The following TRHDE variants were observed in gnomAD, a reference collection of about 807,000 sequenced individuals.
TRHDE encodes thyrotropin releasing hormone degrading enzyme, also known as thyrotropin-releasing hormone-degrading ectoenzyme.
Under a neutral mutation model 125.7 loss-of-function variants are expected in TRHDE, and 72 were observed. The observed-to-expected ratio is 0.57, with a 90% CI of 0.47 to 0.70. TRHDE has a LOEUF of 0.70. Ranked by LOEUF, TRHDE falls within the 30% of genes least tolerant of loss-of-function variation. The pLI, the probability that TRHDE is intolerant of heterozygous loss-of-function variation, is 0.00. For missense variants in TRHDE, 1,110 were observed against 1,327.1 expected, an observed-to-expected ratio of 0.84 and a Z score of 2.54; for synonymous variants, 509 against 509.1, an observed-to-expected ratio of 1.00 and a Z score of 0.00.
intron 5 of TRHDE, among the ~76,000 whole-genome samples, chr12:72,492,664 C>G (rs1043592090): frequency 1.3e-5 from 2 of 151,790 alleles, no homozygotes; most frequent in African/African-American, 4.8e-5. Context: ...CTGTGCAGTG[C>G]TAATTATGTG....
At chr12:72,654,497 A>G (rs1006493442) in intron 17 of TRHDE, among the ~76,000 whole-genome samples, 1 of 152,188 alleles carries the variant, frequency 6.6e-6, no homozygotes, top group Non-Finnish European at 1.5e-5. Flanking sequence ...CATGGTTTCA[A>G]TTACTCCCAA....
rs1222103562 is a variant in TRHDE at position 72,247,877 on chromosome 12, CTATGTATCTATGTATT to C, written n.280-130105_280-130090del. On this transcript the variant is annotated intron_variant and non_coding_transcript_variant, in intron 2 of 4. Transcript: ENST00000548156. ...TTTATCTATCAATCTATCCATTCAT[CTATGTATCTATGTATT>C]TATGTATCTATGAATGTATGTATCT... Among the ~76,000 whole-genome samples, 5 of 152,200 alleles carry C rather than the reference CTATGTATCTATGTATT, an allele frequency of 3.3e-5. No homozygotes were observed. The East Asian group carries it at 9.7e-4, about 29-fold the overall frequency.
chr12:72,306,532 C>T (rs145906209), intron 2 of TRHDE: 86 of 152,162 alleles, frequency 5.7e-4, no homozygotes, highest in East Asian at 4.1e-3. Context: ...AGTAAGTAGA[C>T]GTACACACTT....
intron 5 of TRHDE, among the ~76,000 whole-genome samples, chr12:72,486,515 A>C (rs1877414935): frequency 6.6e-6 from 1 of 152,216 alleles, no homozygotes; most frequent in Non-Finnish European, 1.5e-5. Flanking sequence ...AAATTCCTGC[A>C]GCCAAGACCA....
intron 3 of TRHDE, among the ~76,000 whole-genome samples, chr12:72,380,734 G>GCTTC (rs1227111391): frequency 0.035 from 2,849 of 81,960 alleles, 84 homozygotes; most frequent in Middle Eastern, 0.045. Context: ...TTCCTTCCTT[G>GCTTC]CTTCCTTCCT....
At chr12:72,200,062 T>C (rs1877524642) in intron 2 of TRHDE, among the ~76,000 whole-genome samples, 1 of 152,220 alleles carries the variant, frequency 6.6e-6, no homozygotes, top group South Asian at 2.1e-4. Context: ...TGAGTAGTTT[T>C]ACAGAGTTCT....
At chr12:72,545,052 A>G (rs751158549) in intron 7 of TRHDE, among the ~76,000 whole-genome samples, 1 of 151,558 alleles carries the variant, frequency 6.6e-6, no homozygotes, top group Non-Finnish European at 1.5e-5. Context: ...TTACTGAACA[A>G]TCACAGCTTT....
At chr12:72,345,110 C>T (rs928303817) in intron 2 of TRHDE, among the ~76,000 whole-genome samples, 1 of 152,092 alleles carries the variant, frequency 6.6e-6, no homozygotes, top group African/African-American at 2.4e-5. Flanking sequence ...AGGAGTGCAA[C>T]TATTACGCTA....
At chr12:72,647,468 CA>C (rs1049560549) in intron 15 of TRHDE, among the ~76,000 whole-genome samples, 7 of 149,832 alleles carry the variant, frequency 4.7e-5, no homozygotes, top group South Asian at 4.2e-4. Context: ...AAGATAAGAA[CA>C]AAAAAAATGG....
chr12:72,411,216 A>G (rs1873491668), intron 3 of TRHDE, among the ~76,000 whole-genome samples: 1 of 151,642 alleles, frequency 6.6e-6, no homozygotes, highest in Non-Finnish European at 1.5e-5. Flanking sequence ...AAAAAAAAAA[A>G]AAAAACCATA....
At chr12:72,530,646 G>A (rs1432773989) in intron 6 of TRHDE, among the ~76,000 whole-genome samples, 3 of 149,208 alleles carry the variant, frequency 2.0e-5, no homozygotes, top group South Asian at 4.3e-4. Context: ...TTCAAAATCC[G>A]GTTATGCTTG....
intron 3 of TRHDE, among the ~76,000 whole-genome samples, chr12:72,404,077 G>A (rs115103225): frequency 5.3e-5 from 8 of 152,166 alleles, no homozygotes; most frequent in Admixed American, 2.0e-4. Context: ...TGTACTAGTC[G>A]TACTAGCCAG....
At chr12:72,292,928 G>T (rs1420671073) in intron 2 of TRHDE, among the ~76,000 whole-genome samples, 1 of 152,070 alleles carries the variant, frequency 6.6e-6, no homozygotes, top group Admixed American at 6.6e-5. Flanking sequence ...TGCCACGAAG[G>T]GTTTGGGTGG....
At chr12:72,099,846 C>A (rs1383406559) in intron 1 of TRHDE, among the ~76,000 whole-genome samples, 1 of 152,232 alleles carries the variant, frequency 6.6e-6, no homozygotes, top group Non-Finnish European at 1.5e-5. Context: ...CAGTAGCTAT[C>A]ATTTTGATTT....
At chr12:72,177,524 T>C (rs1047007564) in intron 2 of TRHDE, among the ~76,000 whole-genome samples, 2 of 152,032 alleles carry the variant, frequency 1.3e-5, no homozygotes, top group African/African-American at 4.8e-5. Flanking sequence ...AAGAACAAAA[T>C]TGTAAAATTT....
At chr12:72,450,865 T>C (rs1436955412) in intron 3 of TRHDE, among the ~76,000 whole-genome samples, 1 of 152,154 alleles carries the variant, frequency 6.6e-6, no homozygotes, top group Non-Finnish European at 1.5e-5. Flanking sequence ...GATAACTCAT[T>C]GTGGTTCTCA....
intron 2 of TRHDE, among the ~76,000 whole-genome samples, chr12:72,172,708 A>T (rs1323994587): frequency 6.6e-6 from 1 of 152,164 alleles, no homozygotes. Context: ...CTCATAACTA[A>T]AGTTTTCATC....
chr12:72,296,482 G>A (rs1231203443), intron 2 of TRHDE, among the ~76,000 whole-genome samples: 2 of 152,014 alleles, frequency 1.3e-5, no homozygotes, highest in East Asian at 1.9e-4. Context: ...AACTGTCTCT[G>A]TTCTCCATTA....
intron 2 of TRHDE, among the ~76,000 whole-genome samples, chr12:72,123,432 T>G (rs1254003772): frequency 6.6e-6 from 1 of 152,074 alleles, no homozygotes; most frequent in Non-Finnish European, 1.5e-5. Context: ...AAGAAGAATA[T>G]TACAAAACTC....
Sources: allele counts gnomAD v4.1 joint callset (sites outside exome capture counted in the v4.1 genomes callset), GRCh38; gene constraint gnomAD v4.1.1; transcripts MANE v1.5; gene names NCBI Gene and HGNC (gene_info 2026-07-23, HGNC 2026-07-21).